INTS4: variants seen among roughly 807,000 people sequenced by gnomAD.
INTS4 encodes integrator complex subunit 4.
In INTS4, 70 loss-of-function variants were observed where a neutral mutation model predicts 119.5. The ratio of observed to expected loss-of-function variants is 0.59; its 90% CI spans 0.48 to 0.71. The LOEUF is 0.71. Among genes scored for constraint, INTS4 ranks in the 30% least tolerant of loss-of-function variants. INTS4 has a pLI of 0.00. For synonymous variants in INTS4, 316 were observed against 419.6 expected (o/e 0.75, Z 3.02); for missense variants, 867 against 1,173.2 (o/e 0.74, Z 3.81).
At chr11:77,971,875 C>T (rs1855750600) in intron 4 of INTS4, among the ~76,000 whole-genome samples, 1 of 152,074 alleles carries the variant, frequency 6.6e-6, no homozygotes, top group Non-Finnish European at 1.5e-5. Flanking sequence ...ATATTTTCTT[C>T]TAAGGGGTTT....
chr11:77,924,424 AACACTATAT>A (rs1285053203), intron 12 of INTS4: 1 of 187,872 alleles, frequency 5.3e-6, no homozygotes, highest in South Asian at 1.5e-4. Context: ...AACAAAACAA[AACACTATAT>A]AGGAGAAAGA....
Position 77,979,016 on chromosome 11 carries a change from A to G in INTS4, c.451T>C (p.Leu151=). The change falls in exon 4 of 23, where the codon TTA becomes CTA. Residue 151 remains leucine (L), a synonymous_variant. Transcript: ENST00000534064. ...CTTACCTTGCAGGCCACATCAACTA[A>G]TCGCATTTGGATAGCTTGATTCTCT... ...LPENQAIQMR[L]VDVACKHLTD... The G allele has an allele frequency of 3.7e-6, 6 of 1,610,600 alleles. No homozygotes were observed. Among genetic ancestry groups the G allele is most frequent in the Non-Finnish European group, 5.1e-6 (6 of 1,177,002 alleles).
intron 15 of INTS4, among the ~76,000 whole-genome samples, chr11:77,909,725 C>T (rs1338568265): frequency 6.6e-6 from 1 of 152,188 alleles, no homozygotes; most frequent in Non-Finnish European, 1.5e-5. Context: ...GAAAACATAT[C>T]TGCCTATAGT....
At position 77,981,190 on chromosome 11, in the gene INTS4, CAA is replaced by C. The variant is rs35194381; in HGVS notation, c.364+267_364+268del. Among the ~76,000 whole-genome samples, 617 of 88,848 alleles carry C rather than the reference CAA, an allele frequency of 6.9e-3. 8 individuals are homozygous for C. The highest frequency in any genetic ancestry group is 0.021 in the African/African-American group (511 of 24,102). The allele number at this position is 88,848 out of a possible 152,430, so 58.3% of individuals were successfully genotyped here. A position where few individuals can be genotyped will look rare whatever the true frequency, so the allele number is the denominator to read the frequency against. On this transcript the variant is annotated intron_variant, in intron 3 of 22. Coordinates refer to ENST00000534064, the MANE Select transcript of INTS4 (RefSeq NM_033547.4). The stretch of plus-strand genomic sequence containing the variant: ...TGCCTCAAAACAAAAAACAAACAAG[CAA>C]AAAAAAAAAAAAAAAAAGGGACAAT...
intron 22 of INTS4, among the ~76,000 whole-genome samples, chr11:77,883,313 GCTTACAGGCTTGAAATGTAATCT>G (rs1276078578): frequency 1.3e-5 from 2 of 152,018 alleles, no homozygotes; most frequent in African/African-American, 4.8e-5. Context: ...TTTAAAGCAG[GCTTACAGGCTTGAAATGTAATCT>G]CCTTTGTACT....
intron 16 of INTS4, among the ~76,000 whole-genome samples, chr11:77,904,007 C>CTTTTTTCT (rs1196251598): frequency 6.6e-6 from 1 of 152,204 alleles, no homozygotes; most frequent in Non-Finnish European, 1.5e-5. Context: ...AACTGTGGTT[C>CTTTTTTCT]TTTTTTCTTT....
chr11:77,938,528 G>C lies in INTS4; in HGVS notation c.1165+123C>G. On this transcript the variant is annotated intron_variant, in intron 10 of 22. Transcript: ENST00000534064. ...TTCTGTGTGTAAAATAAAAAGCATA[G>C]TAAGTACTTCCCAGAGTTACTGTGA... is the stretch of plus-strand genomic sequence containing the variant. 4.2e-6 allele frequency: 5 copies of C among 1,204,616 alleles called. No homozygotes were observed. In the East Asian group the frequency reaches 1.2e-4, roughly 30 times the overall value. The allele number at this position is 1,204,616 out of a possible 1,614,324, so 74.6% of individuals were successfully genotyped here. A position where few individuals can be genotyped will look rare whatever the true frequency, so the allele number is the denominator to read the frequency against.
At chr11:77,933,857 G>C (rs1215003477) in intron 10 of INTS4, among the ~76,000 whole-genome samples, 2 of 151,888 alleles carry the variant, frequency 1.3e-5, no homozygotes, top group Non-Finnish European at 2.9e-5. Context: ...GAAGTGAGGA[G>C]CCCCTCTGCC....
intron 4 of INTS4, among the ~76,000 whole-genome samples, chr11:77,975,312 T>C (rs1855902849): frequency 6.6e-6 from 1 of 152,198 alleles, no homozygotes; most frequent in Non-Finnish European, 1.5e-5. Flanking sequence ...TAATTTCCCT[T>C]TTGATTTCTT....
chr11:77,990,524 A>G (rs1350865844), intron 2 of INTS4, among the ~76,000 whole-genome samples: 1 of 152,020 alleles, frequency 6.6e-6, no homozygotes, highest in Non-Finnish European at 1.5e-5. Flanking sequence ...CGTCTCTACT[A>G]AAAATACAAA....
intron 4 of INTS4, among the ~76,000 whole-genome samples, chr11:77,969,483 T>C (rs1257408848): frequency 2.0e-5 from 3 of 152,112 alleles, no homozygotes; most frequent in Non-Finnish European, 4.4e-5. Context: ...TGGGCTCAAG[T>C]AATCCTCTCA....
At chr11:77,936,995 C>T (rs950575777) in intron 10 of INTS4, among the ~76,000 whole-genome samples, 4 of 151,942 alleles carry the variant, frequency 2.6e-5, no homozygotes, top group African/African-American at 9.7e-5. Context: ...GACAACATGG[C>T]AAAACCCCGT....
At chr11:77,922,641 T>G in intron 12 of INTS4, 170 bp from the exon 13 acceptor site, 1 of 973,134 alleles carries the variant, frequency 1.0e-6, no homozygotes, top group Non-Finnish European at 1.5e-6. Context: ...GGAACTCGGT[T>G]AATTCATCTA....
intron 10 of INTS4, among the ~76,000 whole-genome samples, chr11:77,933,072 C>T (rs1048703628): frequency 6.6e-5 from 10 of 151,384 alleles, no homozygotes; most frequent in East Asian, 1.9e-4. Flanking sequence ...CAAACCTGCA[C>T]GTTCTGCACA....
At position 77,968,711 on chromosome 11, in the gene INTS4, C is replaced by A. The variant is rs531643948; in HGVS notation, c.472-7573G>T. On this transcript the variant is annotated intron_variant, in intron 4 of 22. Transcript: ENST00000534064. ...ACTTAAACACTTAATTACCATATGA[C>A]CCCAAAATTCCTCTCCTTAGTATAC... Among the ~76,000 whole-genome samples the A allele has an allele frequency of 1.8e-4, 27 of 152,198 alleles. No individual in the cohort carries two copies. In the South Asian group the frequency reaches 5.6e-3, roughly 31 times the overall value.
chr11:77,907,732 T>C lies in INTS4; in HGVS notation c.2001A>G (p.Gln667=), dbSNP rs372014766. Residue 667 remains glutamine (Q), a synonymous_variant, in exon 16 of 23, where the codon CAA becomes CAG. Coordinates refer to ENST00000534064, the MANE Select transcript of INTS4 (RefSeq NM_033547.4). The stretch of plus-strand genomic sequence containing the variant: ...GCAAACCAACCTTGATGAGAAGTAG[T>C]TGACAGCGAAGATAGGTGGCAGAGA... ...ADFSATYLRC[Q]LLLIKALQEK... is the part of the protein sequence containing the mutation. 128 of 1,613,282 alleles carry C rather than the reference T, an allele frequency of 7.9e-5. No individual in the cohort carries two copies. The highest frequency in any genetic ancestry group is 1.1e-4 in the Non-Finnish European group (126 of 1,179,452).
intron 2 of INTS4, among the ~76,000 whole-genome samples, chr11:77,990,618 A>G (rs1036469230): frequency 2.7e-5 from 4 of 149,330 alleles, no homozygotes; most frequent in African/African-American, 9.9e-5. Context: ...CCCAGGAGGC[A>G]GAGGTTGCAG....
chr11:77,958,631 A>T (rs1954388635), intron 7 of INTS4, 115 bp downstream of exon 7: 1 of 676,366 alleles, frequency 1.5e-6, no homozygotes. Flanking sequence ...CTTATTCCCC[A>T]TTGCCTTCCA....
At chr11:77,981,713 T>G in intron 2 of INTS4, 137 bp from the exon 3 acceptor site, 1 of 399,454 alleles carries the variant, frequency 2.5e-6, no homozygotes, top group Admixed American at 4.0e-5. Flanking sequence ...AAATTAATTT[T>G]ATATACTTCT....
Sources: allele counts gnomAD v4.1 joint callset (sites outside exome capture counted in the v4.1 genomes callset), GRCh38; gene constraint gnomAD v4.1.1; transcripts MANE v1.5; gene names NCBI Gene and HGNC (gene_info 2026-07-23, HGNC 2026-07-21).